The following DHRSX variants were observed in gnomAD, a reference collection of about 807,000 sequenced individuals.
DHRSX encodes the protein polyprenol dehydrogenase.
DHRSX carries 31 observed loss-of-function variants against 34.0 expected under a neutral mutation model. The observed-to-expected ratio is 0.91, with a 90% CI of 0.69 to 1.23. The LOEUF (loss-of-function observed/expected upper bound fraction) is 1.23, where lower values mean the gene tolerates loss of function less well. Ranked by LOEUF, DHRSX falls within the 50% of genes most tolerant of loss-of-function variation. The pLI is 0.00. For missense variants in DHRSX, 414 were observed against 428.1 expected (o/e 0.97, Z 0.29); for synonymous variants, 201 against 183.8 (o/e 1.09, Z -0.76).
intron 3 of DHRSX, among the ~76,000 whole-genome samples, chrX:2,324,060 A>G (rs1294076831): frequency 6.1e-4 from 9 of 14,734 alleles, no homozygotes; most frequent in Non-Finnish European, 7.6e-4. Context: ...CTGTCTGGAA[A>G]AAAAAAAAAA....
At chrX:2,243,357 G>T in intron 5 of DHRSX, 127 bp from the exon 6 acceptor site, 1 of 730,560 alleles carries the variant, frequency 1.4e-6, no homozygotes, top group Non-Finnish European at 2.3e-6. Context: ...AGACCCATGT[G>T]TGATCATGCC....
chrX:2,370,590 G>GGAAAAAAAAAAA (rs779229599), intron 3 of DHRSX, among the ~76,000 whole-genome samples: 4 of 132,696 alleles, frequency 3.0e-5, no homozygotes, highest in Admixed American at 3.0e-4. Flanking sequence ...TGGTTTTACT[G>GGAAAAAAAAAAA]AAAAAAAAAA....
intron 3 of DHRSX, among the ~76,000 whole-genome samples, chrX:2,385,149 T>G (rs2043257616): frequency 1.3e-5 from 2 of 150,714 alleles, no homozygotes; most frequent in Admixed American, 1.3e-4. Flanking sequence ...TGTGTATATA[T>G]ATGTGTGTGT....
At chrX:2,499,911 C>T (rs1279718268) in intron 1 of DHRSX, among the ~76,000 whole-genome samples, 1 of 152,084 alleles carries the variant, frequency 6.6e-6, no homozygotes, top group African/African-American at 2.4e-5. Flanking sequence ...GATGCAGTAG[C>T]TGGTGCCTGT....
At chrX:2,466,574 G>A (rs1216864606) in intron 1 of DHRSX, among the ~76,000 whole-genome samples, 2 of 152,144 alleles carry the variant, frequency 1.3e-5, no homozygotes, top group African/African-American at 4.8e-5. Flanking sequence ...ATAAACGGCA[G>A]CTAAACATTG....
chrX:2,462,161 T>C (rs1360551963), intron 1 of DHRSX, among the ~76,000 whole-genome samples: 1 of 135,834 alleles, frequency 7.4e-6, no homozygotes, highest in African/African-American at 2.8e-5. Context: ...CCAGGACGAA[T>C]AAGTGGATTC....
rs751437409 is a variant in DHRSX, at chrX:2,398,922, G to A, written c.286+9823C>T. ...GGCTGGAGTGCAGTGGCGCGATCTC[G>A]GCTCACTGCAAGCTCCCCCTCCCGG... On this transcript the variant is annotated intron_variant, in intron 3 of 6. Coordinates refer to ENST00000334651, the MANE Select transcript of DHRSX (RefSeq NM_145177.3). Among the ~76,000 whole-genome samples the A allele has an allele frequency of 1.1e-4, 16 of 152,078 alleles. No individual in the cohort carries two copies. In the South Asian group the frequency reaches 2.3e-3, roughly 22 times the overall value.
chrX:2,250,560 G>C (rs1033059218), intron 5 of DHRSX, among the ~76,000 whole-genome samples: 1 of 152,078 alleles, frequency 6.6e-6, no homozygotes. Context: ...CATGGCATCT[G>C]TAAACCGTCT....
intron 6 of DHRSX, among the ~76,000 whole-genome samples, chrX:2,227,311 C>CA (rs947564142): frequency 3.1e-4 from 42 of 135,488 alleles, no homozygotes; most frequent in South Asian, 1.2e-3. Flanking sequence ...GACAGAGAAA[C>CA]AAAAAAAATC....
chrX:2,369,076 C>G (rs1489749570), intron 3 of DHRSX, among the ~76,000 whole-genome samples: 1 of 152,194 alleles, frequency 6.6e-6, no homozygotes, highest in Admixed American at 6.6e-5. Flanking sequence ...TAGAAGCAAA[C>G]CTACCACACC....
At chrX:2,294,422 T>C (rs1224668994) in intron 3 of DHRSX, among the ~76,000 whole-genome samples, 1 of 152,084 alleles carries the variant, frequency 6.6e-6, no homozygotes, top group African/African-American at 2.4e-5. Context: ...TGCACACCTG[T>C]AATCTCAGCA....
rs539497595 is a variant in DHRSX at position 2,430,329 on chromosome X, G to A, written c.110-5025C>T. Among the ~76,000 whole-genome samples, 29 of 151,702 alleles carry A rather than the reference G, an allele frequency of 1.9e-4. 1 individual carries two copies. The South Asian group carries it at 6.1e-3, about 32-fold the overall frequency. On this transcript the variant is annotated intron_variant, in intron 1 of 6. Transcript: ENST00000334651. ...TGCATTTGTAACTTTAGCTAGAAGA[G>A]TTTAGTGTTTTCCTTACGGACCAGG... is the stretch of plus-strand genomic sequence containing the variant.
intron 1 of DHRSX, chrX:2,490,757 C>G (rs369425140): frequency 6.3e-7 from 1 of 1,590,776 alleles, no homozygotes; most frequent in Admixed American, 1.7e-5. Context: ...GACGGCTGCT[C>G]ATGCGTGGGG....
chrX:2,240,034 T>C (rs1335244734), intron 6 of DHRSX, among the ~76,000 whole-genome samples: 2 of 151,906 alleles, frequency 1.3e-5, no homozygotes, highest in Non-Finnish European at 2.9e-5. Context: ...GGCTCACGCC[T>C]GTAATCCCAT....
chrX:2,458,160 T>A (rs1300166894), intron 1 of DHRSX, among the ~76,000 whole-genome samples: 1 of 151,790 alleles, frequency 6.6e-6, no homozygotes, highest in African/African-American at 2.4e-5. Flanking sequence ...AGATGTTTCC[T>A]AAGCATGTGG....
intron 6 of DHRSX, among the ~76,000 whole-genome samples, chrX:2,222,831 C>A (rs2015551578): frequency 6.6e-6 from 1 of 152,196 alleles, no homozygotes; most frequent in Non-Finnish European, 1.5e-5. Flanking sequence ...CTGGTCTTGA[C>A]TTCAGCAGCC....
intron 3 of DHRSX, among the ~76,000 whole-genome samples, chrX:2,357,700 T>TAAAAAAAAAAAAAAAAAAAAAAAAAA (rs781233833): frequency 8.0e-6 from 1 of 125,166 alleles, no homozygotes; most frequent in African/African-American, 3.0e-5. Flanking sequence ...CTCAGGAAAT[T>TAAAAAAAAAAAAAAAAAAAAAAAAAA]AAAAAAAAAA....
chrX:2,397,087 A>G (rs1276454541), intron 3 of DHRSX, among the ~76,000 whole-genome samples: 1 of 151,278 alleles, frequency 6.6e-6, no homozygotes, highest in African/African-American at 2.4e-5. Context: ...CACAGCCTTG[A>G]CCTCCAGGCT....
intron 3 of DHRSX, among the ~76,000 whole-genome samples, chrX:2,303,508 A>T (rs1022669809): frequency 6.6e-6 from 1 of 152,012 alleles, no homozygotes; most frequent in Non-Finnish European, 1.5e-5. Flanking sequence ...TTCACCTTCC[A>T]TCATGATTGT....
Sources: gnomAD v4.1 joint callset for allele counts (sites outside exome capture counted in the v4.1 genomes callset) on GRCh38, gnomAD v4.1.1 for gene constraint, MANE v1.5 for transcripts, NCBI Gene and HGNC (gene_info 2026-07-23, HGNC 2026-07-21) for gene names.